Variants in PTPRN2 observed in about 807,000 individuals in gnomAD.
The protein encoded by PTPRN2 is protein tyrosine phosphatase receptor type N2.
PTPRN2 carries 74 observed loss-of-function variants against 118.8 expected under a neutral mutation model. The observed-to-expected ratio is 0.62, with a 90% CI of 0.52 to 0.76. PTPRN2 has a LOEUF of 0.76. Ranked by LOEUF, PTPRN2 falls within the 30% of genes least tolerant of loss-of-function variation. The probability of loss-of-function intolerance (pLI) is 0.00; values close to 1 mark genes in which losing one functional copy is unlikely to be tolerated. For missense variants in PTPRN2, 1,481 were observed against 1,394.4 expected, an observed-to-expected ratio of 1.06 and a Z score of -0.99; for synonymous variants, 641 against 608.0, an observed-to-expected ratio of 1.05 and a Z score of -0.80.
chr7:158,586,117 A>T (rs1274651196), intron 1 of PTPRN2, among the ~76,000 whole-genome samples: 1 of 152,208 alleles, frequency 6.6e-6, no homozygotes. Flanking sequence ...GGACCAGCAC[A>T]GACACTCCCT....
At chr7:158,387,502 G>GGGC (rs1811501518) in intron 2 of PTPRN2, among the ~76,000 whole-genome samples, 1 of 640 alleles carries the variant, frequency 1.6e-3, no homozygotes. Context: ...GTGCGATCGG[G>GGGC]TTACGATGTT....
intron 3 of PTPRN2, among the ~76,000 whole-genome samples, chr7:158,285,058 TTTTG>T (rs1312772592): frequency 1.3e-5 from 2 of 152,202 alleles, no homozygotes; most frequent in African/African-American, 2.4e-5. Context: ...CCCTGGGAGC[TTTTG>T]TTTGTTTTTT....
At chr7:158,132,648 A>G (rs1818458474) in intron 9 of PTPRN2, among the ~76,000 whole-genome samples, 1 of 151,376 alleles carries the variant, frequency 6.6e-6, no homozygotes, top group Non-Finnish European at 1.5e-5. Context: ...GCAGATACAC[A>G]TCTACCCTAC....
rs556453778 is a variant in PTPRN2 at position 158,244,458 on chromosome 7, G to A, written c.278-39185C>T. On this transcript the variant is annotated intron_variant, in intron 3 of 22. Coordinates refer to ENST00000389418, the MANE Select transcript of PTPRN2 (RefSeq NM_002847.5). ...GTGTTTTGCGTGAGTGTGAATGAGC[G>A]TGTTTTGTGTGTGAGCTGTGCATAA... Among the ~76,000 whole-genome samples, 504 of 152,288 alleles carry A rather than the reference G, an allele frequency of 3.3e-3. 1 individual carries two copies. Among genetic ancestry groups the A allele is most frequent in the Middle Eastern group, 0.017 (5 of 294 alleles).
At chr7:158,423,913 T>C (rs947608371) in intron 2 of PTPRN2, among the ~76,000 whole-genome samples, 4 of 152,268 alleles carry the variant, frequency 2.6e-5, no homozygotes, top group African/African-American at 9.6e-5. Context: ...AGTTCTGCTG[T>C]GGTCTGTAGT....
intron 11 of PTPRN2, among the ~76,000 whole-genome samples, chr7:157,928,786 C>T (rs1422019248): frequency 6.9e-6 from 1 of 145,344 alleles, no homozygotes; most frequent in Non-Finnish European, 1.5e-5. Flanking sequence ...GGGCAGATGG[C>T]AGGGCACAGG....
chr7:157,766,939 G>A (rs761445669), intron 12 of PTPRN2, among the ~76,000 whole-genome samples: 62 of 152,216 alleles, frequency 4.1e-4, no homozygotes, highest in Non-Finnish European at 8.7e-4. Context: ...GGCTCTTGCC[G>A]GGTGGGTGGA....
At chr7:157,595,509 CCGG>C (rs1223965947) in intron 16 of PTPRN2, among the ~76,000 whole-genome samples, 194 bp from the exon 17 acceptor site, 17 of 113,440 alleles carry the variant, frequency 1.5e-4, no homozygotes, top group African/African-American at 6.4e-4. Flanking sequence ...TTTAGGAAGC[CCGG>C]AGGTTAGGAA....
At chr7:157,717,527 T>C (rs943940290) in intron 12 of PTPRN2, among the ~76,000 whole-genome samples, 1 of 152,276 alleles carries the variant, frequency 6.6e-6, no homozygotes, top group African/African-American at 2.4e-5. Flanking sequence ...CCCTCCCTAG[T>C]TGGCAACGTT....
intron 1 of PTPRN2, among the ~76,000 whole-genome samples, chr7:158,490,793 C>G (rs960857836): frequency 7.9e-5 from 12 of 152,258 alleles, no homozygotes; most frequent in African/African-American, 2.9e-4. Context: ...AAGCCCCAGA[C>G]TCTCCCGGGG....
At chr7:158,150,947 T>C (rs976064949) in intron 6 of PTPRN2, among the ~76,000 whole-genome samples, 2 of 151,956 alleles carry the variant, frequency 1.3e-5, no homozygotes, top group African/African-American at 2.4e-5. Context: ...GGAAATATTA[T>C]TCTGTGCATC....
At chr7:157,926,813 C>A (rs1252577245) in intron 11 of PTPRN2, among the ~76,000 whole-genome samples, 6 of 152,204 alleles carry the variant, frequency 3.9e-5, no homozygotes, top group African/African-American at 1.4e-4. Context: ...ATGGCCCCCA[C>A]TGCTGTTGGG....
chr7:158,070,956 G>A lies in PTPRN2; in HGVS notation c.1723+10342C>T, dbSNP rs201695558. The stretch of plus-strand genomic sequence containing the variant: ...CCTGGTGGTGGAGGTGCCCGTGGTG[G>A]TGGAGGTGCTCACGGTGGAGGTGCC... On this transcript the variant is annotated intron_variant, in intron 11 of 22. Coordinates refer to ENST00000389418, the MANE Select transcript of PTPRN2 (RefSeq NM_002847.5). Among the ~76,000 whole-genome samples, 461 of 117,858 alleles carry A rather than the reference G, an allele frequency of 3.9e-3. 8 individuals carry two copies. In the East Asian group the frequency reaches 0.04, roughly 10 times the overall value. The allele number at this position is 117,858 out of a possible 152,430, so 77.3% of individuals were successfully genotyped here. A position where few individuals can be genotyped will look rare whatever the true frequency, so the allele number is the denominator to read the frequency against.
chr7:158,396,690 A>G (rs965134725), intron 2 of PTPRN2, among the ~76,000 whole-genome samples: 3 of 152,074 alleles, frequency 2.0e-5, no homozygotes, highest in African/African-American at 7.2e-5. Flanking sequence ...GTGTGTGTGC[A>G]TGTTTGTGTG....
intron 2 of PTPRN2, among the ~76,000 whole-genome samples, chr7:158,319,507 C>CTCACACACACAG (rs772827607): frequency 1.2e-4 from 3 of 24,374 alleles, no homozygotes; most frequent in East Asian, 1.3e-3. Context: ...CACAGCCTCC[C>CTCACACACACAG]CCCACACACA....
At position 158,395,710 on chromosome 7, in the gene PTPRN2, C is replaced by A. The variant is rs200470386; in HGVS notation, c.164-78778G>T. The stretch of plus-strand genomic sequence containing the variant: ...GGCGCGAGGGGCGAGGGGCGAGGGG[C>A]GAGGGGCGAGGCGCGAGGGGAGAGG... On this transcript the variant is annotated intron_variant, in intron 2 of 22. Coordinates refer to ENST00000389418, the MANE Select transcript of PTPRN2 (RefSeq NM_002847.5). Among the ~76,000 whole-genome samples, 260 of 48,514 alleles carry A rather than the reference C, an allele frequency of 5.4e-3. 1 individual carries two copies. The highest frequency in any genetic ancestry group is 7.6e-3 in the Non-Finnish European group (184 of 24,296). 31.8% of individuals were successfully genotyped at this position (48,514 alleles called of 152,430 possible).
chr7:158,470,905 C>G (rs1222543183), intron 2 of PTPRN2, among the ~76,000 whole-genome samples: 2 of 151,772 alleles, frequency 1.3e-5, no homozygotes, highest in African/African-American at 4.8e-5. Context: ...GAGATCTCAG[C>G]TCACTGCAAA....
At chr7:157,722,021 G>T (rs972052438) in intron 12 of PTPRN2, among the ~76,000 whole-genome samples, 4 of 152,206 alleles carry the variant, frequency 2.6e-5, no homozygotes, top group African/African-American at 7.2e-5. Context: ...AAGCGCTTCA[G>T]TCTCGCCCCC....
chr7:158,343,045 A>T (rs920697362), intron 2 of PTPRN2, among the ~76,000 whole-genome samples: 3 of 152,192 alleles, frequency 2.0e-5, no homozygotes, highest in African/African-American at 7.2e-5. Flanking sequence ...GTGAAACTTC[A>T]TCTCAAAAAG....
Sources: allele counts gnomAD v4.1 joint callset (sites outside exome capture counted in the v4.1 genomes callset), GRCh38; gene constraint gnomAD v4.1.1; transcripts MANE v1.5; gene names NCBI Gene and HGNC (gene_info 2026-07-23, HGNC 2026-07-21).